INPP1: variants seen among roughly 807,000 people sequenced by gnomAD.
INPP1 encodes the protein inositol polyphosphate 1-phosphatase.
INPP1 carries 18 observed loss-of-function variants against 23.0 expected under a neutral mutation model. The ratio of observed to expected loss-of-function variants is 0.78; its 90% CI spans 0.54 to 1.16. The LOEUF (loss-of-function observed/expected upper bound fraction) is 1.16. Among genes scored for constraint, INPP1 ranks in the 50% most tolerant of loss-of-function variants. The pLI, the probability that INPP1 is intolerant of heterozygous loss-of-function variation, is 0.00. For synonymous variants in INPP1, 164 were observed against 176.3 expected (o/e 0.93, Z 0.55); for missense variants, 448 against 482.1 (o/e 0.93, Z 0.66).
At chr2:190,359,351 A>G (rs1374671149) in intron 2 of INPP1, among the ~76,000 whole-genome samples, 2 of 151,914 alleles carry the variant, frequency 1.3e-5, no homozygotes, top group African/African-American at 4.8e-5. Flanking sequence ...TTAGTACTTT[A>G]GAAAAGTTGC....
intron 6 of INPP1, among the ~76,000 whole-genome samples, chr2:190,370,175 T>G (rs535079658): frequency 6.6e-6 from 1 of 152,346 alleles, no homozygotes; most frequent in South Asian, 2.1e-4. Context: ...ATGGCACAGA[T>G]TCAGAGTGAG....
intron 1 of INPP1, among the ~76,000 whole-genome samples, chr2:190,348,113 G>C (rs1689257252): frequency 6.6e-6 from 1 of 152,182 alleles, no homozygotes; most frequent in Non-Finnish European, 1.5e-5. Context: ...ACTGCAGCCT[G>C]GGCAACAGAG....
At chr2:190,360,344 T>C in intron 3 of INPP1, 38 bp downstream of exon 3, 1 of 1,581,552 alleles carries the variant, frequency 6.3e-7, no homozygotes, top group East Asian at 2.2e-5. Flanking sequence ...GCAAAATAGT[T>C]GCATCTGTGG....
In INPP1 at chr2:190,371,504, CA is replaced by C. The variant is rs1302699758; in HGVS notation, c.*103del. On this transcript the variant is annotated 3_prime_UTR_variant, in exon 7 of 7. Coordinates refer to ENST00000392329, the MANE Select transcript of INPP1 (RefSeq NM_001128928.2). The surrounding 1 kb of genome is among the most constrained non-coding windows in gnomAD (Gnocchi z 5.3). ...CTTTGTCCTGTTGCTGGTTAACATT[CA>C]CCTTCCTCTTTTGAGGAGTATTTTT... 2 of 789,896 alleles carry C rather than the reference CA, an allele frequency of 2.5e-6. No individual in the cohort carries two copies. The highest frequency in any genetic ancestry group is 3.5e-5 in the African/African-American group (2 of 57,336). 48.9% of individuals were successfully genotyped at this position (789,896 alleles called of 1,614,324 possible). A position where few individuals can be genotyped will look rare whatever the true frequency, so the allele number is the denominator to read the frequency against.
chr2:190,360,384 T>C (rs1221931042), intron 3 of INPP1, 78 bp downstream of exon 3: 6 of 1,245,250 alleles, frequency 4.8e-6, no homozygotes, highest in Non-Finnish European at 6.9e-6. Context: ...GCATGCCTTT[T>C]GCTCCTCACC....
chr2:190,362,306 A>G (rs902170504), intron 3 of INPP1, among the ~76,000 whole-genome samples: 16 of 152,232 alleles, frequency 1.1e-4, no homozygotes, highest in African/African-American at 3.9e-4. Flanking sequence ...CTTTGCAAAT[A>G]TTCGAATTCT....
intron 1 of INPP1, among the ~76,000 whole-genome samples, chr2:190,344,902 G>A (rs1458742887): frequency 6.6e-6 from 1 of 152,188 alleles, no homozygotes; most frequent in African/African-American, 2.4e-5. Flanking sequence ...CTTTTACACT[G>A]ATTCCTAGCT....
At chr2:190,350,548 A>G (rs952030670) in intron 2 of INPP1, among the ~76,000 whole-genome samples, 3 of 152,244 alleles carry the variant, frequency 2.0e-5, no homozygotes, top group Non-Finnish European at 2.9e-5. Flanking sequence ...ATTTGAGAAC[A>G]AGGGACATCT....
At position 190,346,975 on chromosome 2, in the gene INPP1, C is replaced by G. The variant is rs138603968; in HGVS notation, c.-208-1913C>G. Among the ~76,000 whole-genome samples the G allele has an allele frequency of 3.3e-5, 5 of 149,658 alleles. No individual in the cohort carries two copies. The stretch of plus-strand genomic sequence containing the variant: ...CCTGATTAAATAATTATAGGCAAGA[C>G]AGGCATGCAAATTTGAATACCTTAT... On this transcript the variant is annotated intron_variant, in intron 1 of 6. Transcript: ENST00000392329. This position sits in a 1 kb window ranked among gnomAD's most constrained non-coding sequence, Gnocchi z 5.1.
rs2124942344 is a variant in INPP1, at chr2:190,366,726, A to G, written c.297A>G (p.Thr99=). 1.2e-6 allele frequency: 2 copies of G among 1,613,348 alleles called. No individual in the cohort carries two copies. The highest frequency in any genetic ancestry group is 1.7e-6 in the Non-Finnish European group (2 of 1,179,282). The part of the protein sequence containing the change: ...GEKITLRLCS[T]EEETAELLSK... ...AGATTACCTTGAGGTTGTGTTCAAC[A>G]GAGGAGGAAACAGCAGAGCTTCTTA... is the stretch of plus-strand genomic sequence containing the variant. The change falls in exon 5 of 7, where the codon ACA becomes ACG. Residue 99 remains threonine, a synonymous_variant. Transcript: ENST00000392329.
In INPP1 at chr2:190,370,977, A is replaced by G; in HGVS notation, c.775A>G (p.Ser259Gly). The change falls in exon 7 of 7, where the codon AGT becomes GGT. Residue 259 changes from serine to glycine, a missense_variant. Transcript: ENST00000392329. ...CGGCTCTGAGGCAGCATTCTCCCCC[A>G]GTTTTTCAGCCGTAATTAGTACAAG... is the stretch of plus-strand genomic sequence containing the variant. ...NTGSEAAFSP[S>G]FSAVISTSEK... The G allele has an allele frequency of 6.2e-7, 1 of 1,614,176 alleles. No individual in the cohort carries two copies. The highest frequency in any genetic ancestry group is 8.5e-7 in the Non-Finnish European group (1 of 1,180,030).
At chr2:190,358,514 G>A (rs1039381579) in intron 2 of INPP1, among the ~76,000 whole-genome samples, 22 of 152,262 alleles carry the variant, frequency 1.4e-4, no homozygotes, top group African/African-American at 5.3e-4. Context: ...CACCATACCT[G>A]GCCTATTAAG....
chr2:190,351,897 A>G (rs1689330597), intron 2 of INPP1, among the ~76,000 whole-genome samples: 1 of 152,252 alleles, frequency 6.6e-6, no homozygotes, highest in Admixed American at 6.5e-5. Flanking sequence ...CAAAATGATT[A>G]TACCAATTTC....
At chr2:190,369,592 G>T (rs1464488627) in intron 6 of INPP1, among the ~76,000 whole-genome samples, 1 of 152,204 alleles carries the variant, frequency 6.6e-6, no homozygotes, top group Non-Finnish European at 1.5e-5. Context: ...TAGAGTGGTG[G>T]TAACACTGCC....
At chr2:190,361,335 A>G (rs1689530042) in intron 3 of INPP1, among the ~76,000 whole-genome samples, 1 of 152,246 alleles carries the variant, frequency 6.6e-6, no homozygotes, top group African/African-American at 2.4e-5. Flanking sequence ...AAATATTGAA[A>G]TAATTTCTAT....
rs761033437 is a variant in INPP1, at chr2:190,370,996, G to T, written c.794G>T (p.Ser265Ile). 1.2e-6 allele frequency: 2 copies of T among 1,614,190 alleles called. No individual in the cohort carries two copies. The highest frequency in any genetic ancestry group is 2.2e-5 in the South Asian group (2 of 91,084). ...TCCCCCAGTTTTTCAGCCGTAATTA[G>T]TACAAGTGAAAAGGAGACTATCAAA... ...AFSPSFSAVI[S>I]TSEKETIKAA... The change falls in exon 7 of 7, where the codon AGT (serine) becomes ATT (isoleucine). Residue 265 changes from serine to isoleucine, a missense_variant. Transcript: ENST00000392329.
Position 190,363,947 on chromosome 2 carries a change from A to G in INPP1, c.265+1260A>G, listed in dbSNP as rs1309512470. On this transcript the variant is annotated intron_variant, in intron 4 of 6. Coordinates refer to ENST00000392329, the MANE Select transcript of INPP1 (RefSeq NM_001128928.2). This position sits in a 1 kb window ranked among gnomAD's most constrained non-coding sequence, Gnocchi z 4.4. ...TTGCAGGCAAGACCAGATCATAGGA[A>G]GGGATTTAGATTTCCCTCTCAGTGG... Among the ~76,000 whole-genome samples, 1 of 152,178 alleles carries G rather than the reference A, an allele frequency of 6.6e-6. No individual in the cohort carries two copies. Among genetic ancestry groups the G allele is most frequent in the Non-Finnish European group, 1.5e-5 (1 of 68,030 alleles).
chr2:190,357,442 G>C (rs1689439908), intron 2 of INPP1, among the ~76,000 whole-genome samples: 1 of 152,092 alleles, frequency 6.6e-6, no homozygotes, highest in African/African-American at 2.4e-5. Flanking sequence ...CTTTCTCTCT[G>C]TGTATGTGTA....
intron 4 of INPP1, among the ~76,000 whole-genome samples, chr2:190,366,109 C>T (rs996618504): frequency 3.3e-5 from 5 of 151,750 alleles, no homozygotes. Context: ...CTGAATCTCT[C>T]GCTCTCTGTC....
Sources: gnomAD v4.1 joint callset for allele counts (sites outside exome capture counted in the v4.1 genomes callset) on GRCh38, gnomAD v4.1.1 for gene constraint, Gnocchi (gnomAD v3.1) non-coding constraint, MANE v1.5 for transcripts, NCBI Gene and HGNC (gene_info 2026-07-23, HGNC 2026-07-21) for gene names.